The following RGS3 variants were observed in gnomAD, a reference collection of about 807,000 sequenced individuals.
RGS3 encodes regulator of G-protein signalling 3.
RGS3 carries 80 observed loss-of-function variants against 132.6 expected under a neutral mutation model. The ratio of observed to expected loss-of-function variants is 0.60; its 90% CI spans 0.50 to 0.73. The LOEUF is 0.73. Among genes scored for constraint, RGS3 ranks in the 30% least tolerant of loss-of-function variants. RGS3 has a pLI of 0.00. For synonymous variants in RGS3, 598 were observed against 620.6 expected, an observed-to-expected ratio of 0.96 and a Z score of 0.54; for missense variants, 1,382 against 1,530.8, an observed-to-expected ratio of 0.90 and a Z score of 1.62.
intron 16 of RGS3, among the ~76,000 whole-genome samples, chr9:113,519,510 CAAAAAAAA>C (rs35813905): frequency 2.0e-4 from 20 of 99,614 alleles, no homozygotes; most frequent in African/African-American, 6.6e-4. Flanking sequence ...TTACTCACAC[CAAAAAAAA>C]AAAAAAAAAA....
intron 19 of RGS3, among the ~76,000 whole-genome samples, chr9:113,563,031 C>T (rs1833857289): frequency 6.6e-6 from 1 of 152,206 alleles, no homozygotes; most frequent in African/African-American, 2.4e-5. Flanking sequence ...CAGTGGCTGC[C>T]CCAGGGCTCC....
At chr9:113,568,320 T>C (rs1834101131) in intron 19 of RGS3, among the ~76,000 whole-genome samples, 1 of 152,230 alleles carries the variant, frequency 6.6e-6, no homozygotes, top group South Asian at 2.1e-4. Flanking sequence ...CCTGCTATCC[T>C]CTGGGAAAAG....
chr9:113,541,512 G>T, intron 19 of RGS3: 1 of 1,554,764 alleles, frequency 6.4e-7, no homozygotes. Flanking sequence ...ACCTCAACTG[G>T]ACCTGAAACA....
chr9:113,548,668 G>A (rs1159187156), intron 19 of RGS3, among the ~76,000 whole-genome samples: 1 of 152,200 alleles, frequency 6.6e-6, no homozygotes, highest in East Asian at 1.9e-4. Context: ...GGAGCCATCA[G>A]CCCTCACACC....
intron 3 of RGS3, among the ~76,000 whole-genome samples, chr9:113,473,569 G>T (rs1404254132): frequency 2.0e-5 from 3 of 152,016 alleles, no homozygotes; most frequent in Admixed American, 6.6e-5. Context: ...AACGTTTTTG[G>T]AGAGACAGAG....
intron 7 of RGS3, among the ~76,000 whole-genome samples, chr9:113,492,701 G>A (rs536649878): frequency 6.6e-6 from 1 of 152,296 alleles, no homozygotes; most frequent in South Asian, 2.1e-4. Context: ...TAAACTGACT[G>A]CTGTATTGTC....
Position 113,553,458 on chromosome 9 carries a change from AAATATATATATATAT to A in RGS3, c.2037+16542_2037+16556del, listed in dbSNP as rs1175053681. Among the ~76,000 whole-genome samples, 411 of 95,486 alleles carry A rather than the reference AAATATATATATATAT, an allele frequency of 4.3e-3. 5 individuals carry two copies. Among genetic ancestry groups the A allele is most frequent in the African/African-American group, 0.018 (392 of 22,052 alleles). The allele number at this position is 95,486 out of a possible 152,430, so 62.6% of individuals were successfully genotyped here. A position where few individuals can be genotyped will look rare whatever the true frequency, so the allele number is the denominator to read the frequency against. ...ACTCTGTTTAAAAAAAAAAAAAAAA[AAATATATATATATAT>A]ATATATATATATATATATGTATATA... On this transcript the variant is annotated intron_variant, in intron 19 of 24. Coordinates refer to ENST00000350696, the Ensembl canonical transcript of RGS3.
At position 113,482,971 on chromosome 9, in the gene RGS3, A is replaced by G. The variant is rs778377319; in HGVS notation, c.467-88A>G. The G allele has an allele frequency of 1.6e-5, 26 of 1,606,082 alleles. 1 individual carries two copies. Among genetic ancestry groups the G allele is most frequent in the East Asian group, 1.3e-4 (6 of 44,786 alleles). On this transcript the variant is annotated intron_variant, in intron 4 of 24. Coordinates refer to ENST00000350696, the Ensembl canonical transcript of RGS3. ...TTTTCAGGTCTCTTTATTCGTGTGG[A>G]TGGATATGTCTATGTGTGTCTCTCT... is the stretch of plus-strand genomic sequence containing the variant.
At position 113,584,139 on chromosome 9, in the gene RGS3, G is replaced by A. The variant is rs377314404; in HGVS notation, c.2727G>A (p.Glu909=). 5.5e-5 allele frequency: 88 copies of A among 1,614,164 alleles called. 1 individual carries two copies. The highest frequency in any genetic ancestry group is 6.7e-5 in the Non-Finnish European group (79 of 1,180,056). Residue 909 remains glutamate (E), a synonymous_variant, in exon 20 of 25, where the codon GAG becomes GAA. Coordinates refer to ENST00000350696, the Ensembl canonical transcript of RGS3. ...ACACCAGCGATGACAACTACGGAGAGCGCAGTGAGGCCAAGCGCAGCAGCA... is the reference window on the plus strand; with the variant it reads ...ACACCAGCGATGACAACTACGGAGAACGCAGTGAGGCCAAGCGCAGCAGCA...
chr9:113,590,764 C>G (rs1835378993), intron 20 of RGS3, among the ~76,000 whole-genome samples: 1 of 152,086 alleles, frequency 6.6e-6, no homozygotes, highest in Non-Finnish European at 1.5e-5. Context: ...CTGCCCTGAT[C>G]CTAAGATGGT....
chr9:113,491,604 G>A (rs984855344), intron 7 of RGS3, among the ~76,000 whole-genome samples: 1 of 151,762 alleles, frequency 6.6e-6, no homozygotes, highest in Non-Finnish European at 1.5e-5. Context: ...ACCCAGGCTG[G>A]AGTGGAATGG....
chr9:113,520,967 G>A (rs931304162), intron 16 of RGS3, among the ~76,000 whole-genome samples: 1 of 152,086 alleles, frequency 6.6e-6, no homozygotes, highest in African/African-American at 2.4e-5. Flanking sequence ...CTATACCTGG[G>A]TAATGGTCCC....
chr9:113,542,515 G>A (rs2118668725), intron 19 of RGS3, among the ~76,000 whole-genome samples: 1 of 152,320 alleles, frequency 6.6e-6, no homozygotes, highest in East Asian at 1.9e-4. Context: ...GTCCTGGATG[G>A]TGGCTGGGGA....
chr9:113,487,484 A>G (rs949835101), intron 7 of RGS3, among the ~76,000 whole-genome samples: 2 of 152,228 alleles, frequency 1.3e-5, no homozygotes, highest in Admixed American at 1.3e-4. Flanking sequence ...AGGAAACTAA[A>G]GTTTAGAGAG....
chr9:113,508,725 A>G, intron 14 of RGS3, 145 bp downstream of exon 12: 1 of 741,604 alleles, frequency 1.3e-6, no homozygotes, highest in South Asian at 1.6e-5. Flanking sequence ...CTCTCTTTCC[A>G]CGTGGTACCT....
At chr9:113,523,590 C>T (rs983841912) in intron 17 of RGS3, among the ~76,000 whole-genome samples, 1 of 152,128 alleles carries the variant, frequency 6.6e-6, no homozygotes, top group African/African-American at 2.4e-5. Context: ...GCCCAAGCCG[C>T]TGGGGCTCAG....
At chr9:113,594,013 C>G in intron 21 of RGS3, 4 of 1,613,068 alleles carry the variant, frequency 2.5e-6, no homozygotes, top group Non-Finnish European at 3.4e-6. Context: ...GCCCCTTTCA[C>G]GGCTCCCTCT....
At chr9:113,454,676 T>G (rs1042481958) in intron 1 of RGS3, among the ~76,000 whole-genome samples, 7 of 149,224 alleles carry the variant, frequency 4.7e-5, no homozygotes, top group African/African-American at 1.7e-4. Context: ...TGGGTCTTGC[T>G]TTTAAACTTT....
intron 19 of RGS3, among the ~76,000 whole-genome samples, chr9:113,547,373 A>G (rs1018651131): frequency 6.6e-6 from 1 of 152,168 alleles, no homozygotes; most frequent in Non-Finnish European, 1.5e-5. Context: ...CAGACACCCA[A>G]ATTATGAGCA....
Sources: gnomAD v4.1 joint callset for allele counts (sites outside exome capture counted in the v4.1 genomes callset) on GRCh38, gnomAD v4.1.1 for gene constraint, MANE v1.5 for transcripts, NCBI Gene and HGNC (gene_info 2026-07-23, HGNC 2026-07-21) for gene names.